The following SLC38A1 variants were observed in gnomAD, a reference collection of about 807,000 sequenced individuals.
The protein encoded by SLC38A1 is sodium-coupled neutral amino acid symporter 1.
SLC38A1 carries 18 observed loss-of-function variants against 60.3 expected under a neutral mutation model. The ratio of observed to expected loss-of-function variants is 0.30; its 90% CI spans 0.21 to 0.44. The LOEUF is 0.44. Among genes scored for constraint, SLC38A1 ranks in the 20% least tolerant of loss-of-function variants. The pLI, the probability that SLC38A1 is intolerant of heterozygous loss-of-function variation, is 1.00. For missense variants in SLC38A1, 448 were observed against 587.2 expected, an observed-to-expected ratio of 0.76 and a Z score of 2.45; for synonymous variants, 196 against 212.1, an observed-to-expected ratio of 0.92 and a Z score of 0.66.
At chr12:46,253,455 G>A (rs2138759419) in intron 1 of SLC38A1, among the ~76,000 whole-genome samples, 1 of 152,308 alleles carries the variant, frequency 6.6e-6, no homozygotes, top group South Asian at 2.1e-4. Context: ...ACCATATAGG[G>A]CAACTTCCAG....
intron 5 of SLC38A1, among the ~76,000 whole-genome samples, chr12:46,216,143 C>CATCTT (rs1441697141): frequency 6.6e-6 from 1 of 152,202 alleles, no homozygotes; most frequent in Non-Finnish European, 1.5e-5. Flanking sequence ...AACCCTCCTG[C>CATCTT]ATCTTCACCT....
At chr12:46,243,108 A>C (rs1941500875) in intron 2 of SLC38A1, 92 bp downstream of exon 2, 1 of 151,226 alleles carries the variant, frequency 6.6e-6, no homozygotes, top group Non-Finnish European at 1.5e-5. Context: ...AAAATAAATG[A>C]ATTAATTAAT....
intron 6 of SLC38A1, among the ~76,000 whole-genome samples, chr12:46,208,353 C>T (rs752823518): frequency 3.3e-5 from 5 of 152,148 alleles, no homozygotes; most frequent in East Asian, 1.9e-4. Flanking sequence ...AAAAGGTTCA[C>T]GGAGAGCAAT....
rs1938857456 is a variant in SLC38A1 at position 46,184,088 on chromosome 12, T to C, written c.*4882A>G. On this transcript the variant is annotated 3_prime_UTR_variant, in exon 17 of 17. Transcript: ENST00000398637. ...TTAAAAACGTAAATTTGAGCCTGTA[T>C]ACAGATGGGCCCAGTTTCATAGCCC... 1 of 152,618 alleles carries C rather than the reference T, an allele frequency of 6.6e-6. No homozygotes were observed. The allele number at this position is 152,618 out of a possible 1,614,324, so 9.5% of individuals were successfully genotyped here.
At chr12:46,235,704 T>A (rs1297999404) in intron 3 of SLC38A1, among the ~76,000 whole-genome samples, 7 of 152,148 alleles carry the variant, frequency 4.6e-5, no homozygotes, top group African/African-American at 1.4e-4. Context: ...GTGATAAAAA[T>A]TTAGCCCACA....
At position 46,229,288 on chromosome 12, in the gene SLC38A1, T is replaced by C. The variant is rs773567157; in HGVS notation, c.199-20A>G. 2.6e-6 allele frequency: 4 copies of C among 1,517,404 alleles called. No homozygotes were observed. The Admixed American group carries it at 6.8e-5, about 26-fold the overall frequency. 94.0% of individuals were successfully genotyped at this position (1,517,404 alleles called of 1,614,324 possible). A position where few individuals can be genotyped will look rare whatever the true frequency, so the allele number is the denominator to read the frequency against. On this transcript the variant is annotated intron_variant, in intron 4 of 16. Transcript: ENST00000398637. ...TGGAATCTGAACAAAGAAACAAACA[T>C]TGACACTAAGCAAAATAATCCCCAA...
chr12:46,254,897 A>AT (rs1378794831), intron 1 of SLC38A1: 1 of 152,916 alleles, frequency 6.5e-6, no homozygotes, highest in African/African-American at 2.4e-5. Flanking sequence ...ACTTTACATA[A>AT]TTGCTACAAG....
intron 5 of SLC38A1, among the ~76,000 whole-genome samples, chr12:46,216,488 G>A (rs1026576416): frequency 6.6e-6 from 1 of 152,136 alleles, no homozygotes; most frequent in Non-Finnish European, 1.5e-5. Flanking sequence ...CTCGAGGACA[G>A]GAATAGTGGT....
intron 5 of SLC38A1, among the ~76,000 whole-genome samples, chr12:46,212,111 G>A (rs1940196849): frequency 6.6e-6 from 1 of 152,180 alleles, no homozygotes; most frequent in African/African-American, 2.4e-5. Flanking sequence ...AATCATAAAT[G>A]TCTTGAGACA....
chr12:46,193,817 C>G (rs146162847), intron 16 of SLC38A1, among the ~76,000 whole-genome samples: 334 of 152,130 alleles, frequency 2.2e-3, no homozygotes, highest in African/African-American at 7.2e-3. Context: ...TATTTTGAGC[C>G]TATGTGCATC....
rs577860173 is a variant in SLC38A1, at chr12:46,210,912, G to A, written c.315-1785C>T. ...AAATGGACTAATACACTGATTAAGA[G>A]GGTAGGTCTCTTATCTCTTCAGGTT... On this transcript the variant is annotated intron_variant, in intron 5 of 16. Transcript: ENST00000398637. Among the ~76,000 whole-genome samples, 9 of 152,224 alleles carry A rather than the reference G, an allele frequency of 5.9e-5. 1 individual carries two copies. Among genetic ancestry groups the A allele is most frequent in the Admixed American group, 5.2e-4 (8 of 15,280 alleles).
At chr12:46,258,491 C>T (rs770353027) in intron 1 of SLC38A1, among the ~76,000 whole-genome samples, 1 of 152,160 alleles carries the variant, frequency 6.6e-6, no homozygotes, top group Non-Finnish European at 1.5e-5. Context: ...GGCAATTTTA[C>T]ATAATATTTT....
At chr12:46,266,890 T>G (rs1159715559) in intron 1 of SLC38A1, among the ~76,000 whole-genome samples, 5 of 152,178 alleles carry the variant, frequency 3.3e-5, no homozygotes, top group Admixed American at 6.5e-5. Context: ...AAGGCCATTT[T>G]GAGGCTGGGG....
intron 12 of SLC38A1, among the ~76,000 whole-genome samples, chr12:46,201,620 C>G (rs1384903970): frequency 1.3e-5 from 2 of 151,970 alleles, no homozygotes; most frequent in Non-Finnish European, 2.9e-5. Flanking sequence ...GCTGCTGTTT[C>G]AGGTTCTGAT....
At chr12:46,254,267 C>T (rs1421562824) in intron 1 of SLC38A1, among the ~76,000 whole-genome samples, 1 of 152,070 alleles carries the variant, frequency 6.6e-6, no homozygotes, top group East Asian at 1.9e-4. Flanking sequence ...GGTTGGTTCA[C>T]AGGAATAAAT....
chr12:46,261,504 G>A (rs3847985), intron 1 of SLC38A1, among the ~76,000 whole-genome samples: 79,914 of 151,888 alleles, frequency 0.53, 21,150 homozygotes, highest in Non-Finnish European at 0.55. Context: ...TAAAAAGAAA[G>A]CTATGATCAC....
At chr12:46,201,643 T>A (rs1592075012) in intron 12 of SLC38A1, among the ~76,000 whole-genome samples, 1 of 151,960 alleles carries the variant, frequency 6.6e-6, no homozygotes, top group East Asian at 1.9e-4. Context: ...TCCCATTGGG[T>A]GGCCTCAGGG....
chr12:46,249,846 A>T lies in SLC38A1; in HGVS notation c.-208-6532T>A, dbSNP rs570405290. ...GGCTGTGAAATTGAGGCAATAATTA[A>T]TAGCCTACCAAGTAAAAGAAGTCCA... On this transcript the variant is annotated intron_variant, in intron 1 of 16. Coordinates refer to ENST00000398637, the MANE Select transcript of SLC38A1 (RefSeq NM_030674.4). Among the ~76,000 whole-genome samples, 89 of 152,338 alleles carry T rather than the reference A, an allele frequency of 5.8e-4. 1 individual carries two copies. Among genetic ancestry groups the T allele is most frequent in the African/African-American group, 2.0e-3 (82 of 41,562 alleles).
chr12:46,199,798 C>T (rs1189064890), intron 13 of SLC38A1, among the ~76,000 whole-genome samples: 2 of 152,128 alleles, frequency 1.3e-5, no homozygotes, highest in African/African-American at 4.8e-5. Context: ...CTCCTGTCTC[C>T]TGCAAGGGCC....
Sources: allele counts gnomAD v4.1 joint callset (sites outside exome capture counted in the v4.1 genomes callset), GRCh38; gene constraint gnomAD v4.1.1; transcripts MANE v1.5; gene names NCBI Gene and HGNC (gene_info 2026-07-23, HGNC 2026-07-21).